Variants in MRRF observed in about 807,000 individuals in gnomAD.
MRRF encodes ribosome-recycling factor, mitochondrial.
MRRF carries 18 observed loss-of-function variants against 25.1 expected under a neutral mutation model. The observed-to-expected ratio is 0.72, with a 90% CI of 0.50 to 1.06. MRRF has a LOEUF of 1.06. MRRF is among the 50% of genes least tolerant of loss of function. The pLI is 0.00. For synonymous variants in MRRF, 113 were observed against 112.1 expected, an observed-to-expected ratio of 1.01 and a Z score of -0.05; for missense variants, 323 against 319.3, an observed-to-expected ratio of 1.01 and a Z score of -0.09.
intron 2 of MRRF, among the ~76,000 whole-genome samples, chr9:122,273,440 CAAAAAAAAA>C: frequency 1.4e-5 from 1 of 70,212 alleles, no homozygotes; most frequent in South Asian, 4.6e-4. Flanking sequence ...GACCCTGTCT[CAAAAAAAAA>C]AAAAAAAAAA....
At position 122,284,164 on chromosome 9, in the gene MRRF, G is replaced by C. The variant is rs1462660489; in HGVS notation, c.341-1005G>C. On this transcript the variant is annotated intron_variant, in intron 3 of 6. Coordinates refer to ENST00000344641, the MANE Select transcript of MRRF (RefSeq NM_138777.5). The stretch of plus-strand genomic sequence containing the variant: ...GGCTCCGAAGCCTCTGCAGAATCAG[G>C]ATCTCTCCAGGGTGGGGCCCAGGAA... Among the ~76,000 whole-genome samples, 3 of 152,118 alleles carry C rather than the reference G, an allele frequency of 2.0e-5. No individual in the cohort carries two copies. In the South Asian group the frequency reaches 6.2e-4, roughly 32 times the overall value.
rs1337010021 is a variant in MRRF at position 122,322,777 on chromosome 9, A to G, written c.*160A>G. ...CCCAGCCTTCCAGGGGAACACTCAG[A>G]CATGTTCATTCTCTTCCTGCTTCTG... On this transcript the variant is annotated 3_prime_UTR_variant, in exon 7 of 7. Coordinates refer to ENST00000344641, the MANE Select transcript of MRRF (RefSeq NM_138777.5). 6.9e-6 allele frequency: 5 copies of G among 720,372 alleles called. No individual in the cohort carries two copies. Among genetic ancestry groups the G allele is most frequent in the African/African-American group, 1.7e-5 (1 of 57,230 alleles). The allele number at this position is 720,372 out of a possible 1,614,324, so 44.6% of individuals were successfully genotyped here.
chr9:122,268,183 A>G (rs1832238265), intron 1 of MRRF, among the ~76,000 whole-genome samples: 1 of 152,230 alleles, frequency 6.6e-6, no homozygotes, highest in African/African-American at 2.4e-5. Flanking sequence ...TGTGCAATTA[A>G]AATCTACGCC....
chr9:122,270,796 T>C (rs1171343637), intron 1 of MRRF, 68 bp from the exon 2 acceptor site: 6 of 1,206,832 alleles, frequency 5.0e-6, no homozygotes, highest in South Asian at 2.4e-5. Context: ...TGGTACGAAT[T>C]ACCTGAAGTT....
intron 3 of MRRF, among the ~76,000 whole-genome samples, chr9:122,284,344 G>T (rs190879781): frequency 6.6e-6 from 1 of 152,140 alleles, no homozygotes. Context: ...ATCTTGGCCT[G>T]TTTATTCTTC....
intron 5 of MRRF, among the ~76,000 whole-genome samples, chr9:122,300,001 G>A (rs1178394337): frequency 6.6e-6 from 1 of 152,158 alleles, no homozygotes; most frequent in Non-Finnish European, 1.5e-5. Context: ...GCAGATGTCT[G>A]GGAAAGACAA....
At chr9:122,265,863 G>C (rs972207949) in intron 1 of MRRF, 12 of 750,010 alleles carry the variant, frequency 1.6e-5, no homozygotes, top group Admixed American at 2.3e-5. Flanking sequence ...TCCTTCTTTG[G>C]CCGTGCCAGG....
Position 122,313,241 on chromosome 9 carries a change from A to C in MRRF, c.566A>C (p.His189Pro). Residue 189 changes from histidine to proline, a missense_variant, in exon 6 of 7, where the codon CAC becomes CCC. Physicochemically the swap from His to Pro is moderately conservative, Grantham distance 77. Transcript: ENST00000344641. The stretch of plus-strand genomic sequence containing the variant: ...TCTTTTATCAGAGTAACCAGAGAGC[A>C]CAGAGAAATGCTGGTGAAACTGGCC... ...RVPIPQVTRE[H>P]REMLVKLAKQ... 1 of 1,614,078 alleles carries C rather than the reference A, an allele frequency of 6.2e-7. No individual in the cohort carries two copies. The highest frequency in any genetic ancestry group is 8.5e-7 in the Non-Finnish European group (1 of 1,179,928).
intron 3 of MRRF, 51 bp downstream of exon 3, chr9:122,280,649 G>C: frequency 1.3e-6 from 2 of 1,587,208 alleles, no homozygotes; most frequent in South Asian, 2.2e-5. Flanking sequence ...AAAGAGCATG[G>C]GTTTGGCAGA....
intron 5 of MRRF, among the ~76,000 whole-genome samples, chr9:122,307,192 C>T (rs561619658): frequency 9.2e-5 from 14 of 152,292 alleles, no homozygotes; most frequent in East Asian, 5.8e-4. Context: ...GAAGCAGGAA[C>T]GTGGTGCTGC....
intron 6 of MRRF, among the ~76,000 whole-genome samples, chr9:122,314,485 C>G (rs753388226): frequency 1.3e-5 from 2 of 152,176 alleles, no homozygotes; most frequent in African/African-American, 2.4e-5. Context: ...TGAATATTTG[C>G]TGAACAGCAT....
intron 5 of MRRF, among the ~76,000 whole-genome samples, chr9:122,311,926 CAA>C (rs1835229609): frequency 6.6e-6 from 1 of 152,014 alleles, no homozygotes; most frequent in African/African-American, 2.4e-5. Context: ...TTTGGCAGAA[CAA>C]AAAAGAGACC....
chr9:122,312,224 G>A (rs2118961804), intron 5 of MRRF, among the ~76,000 whole-genome samples: 1 of 152,306 alleles, frequency 6.6e-6, no homozygotes, highest in East Asian at 1.9e-4. Context: ...ACATCTGTGA[G>A]CCTGTTTCCT....
chr9:122,289,645 A>C (rs189463451), intron 4 of MRRF, among the ~76,000 whole-genome samples: 80 of 151,872 alleles, frequency 5.3e-4, no homozygotes, highest in Non-Finnish European at 5.9e-5. Flanking sequence ...GAGAAAAATT[A>C]ATTTTATTTC....
At chr9:122,306,215 G>A (rs892559071) in intron 5 of MRRF, among the ~76,000 whole-genome samples, 1 of 152,158 alleles carries the variant, frequency 6.6e-6, no homozygotes, top group Non-Finnish European at 1.5e-5. Flanking sequence ...AAGTTCTTCA[G>A]CTGTCTTCTC....
At chr9:122,319,821 C>T (rs1835768669) in intron 6 of MRRF, among the ~76,000 whole-genome samples, 2 of 151,488 alleles carry the variant, frequency 1.3e-5, no homozygotes, top group South Asian at 4.2e-4. Context: ...AGGCTGTCCC[C>T]AAGAACACCT....
chr9:122,301,122 G>A (rs1251815783), intron 5 of MRRF, among the ~76,000 whole-genome samples: 1 of 152,180 alleles, frequency 6.6e-6, no homozygotes, highest in African/African-American at 2.4e-5. Context: ...GTTGATGATA[G>A]GAAGGAGAAT....
At chr9:122,310,494 A>G (rs1374997050) in intron 5 of MRRF, among the ~76,000 whole-genome samples, 3 of 152,236 alleles carry the variant, frequency 2.0e-5, no homozygotes, top group Admixed American at 2.0e-4. Context: ...TTCTGCAGCT[A>G]ACAAGTTACT....
intron 6 of MRRF, among the ~76,000 whole-genome samples, chr9:122,320,999 G>A (rs2119014864): frequency 6.6e-6 from 1 of 152,256 alleles, no homozygotes; most frequent in Admixed American, 6.5e-5. Context: ...CAGAAAATTT[G>A]GAAAATATAG....
Sources: gnomAD v4.1 joint callset for allele counts (sites outside exome capture counted in the v4.1 genomes callset) on GRCh38, gnomAD v4.1.1 for gene constraint, MANE v1.5 for transcripts, NCBI Gene and HGNC (gene_info 2026-07-23, HGNC 2026-07-21) for gene names.